The following GALK2 variants were observed in gnomAD, a reference collection of about 807,000 sequenced individuals.
GALK2 encodes the protein galactokinase 2, also known as N-acetylgalactosamine kinase.
In GALK2, 36 loss-of-function variants were observed where a neutral mutation model predicts 52.4. The ratio of observed to expected loss-of-function variants is 0.69; its 90% CI spans 0.53 to 0.91. GALK2 has a LOEUF of 0.91. Ranked by LOEUF, GALK2 falls within the 40% of genes least tolerant of loss-of-function variation. The pLI, the probability that GALK2 is intolerant of heterozygous loss-of-function variation, is 0.00. For missense variants in GALK2, 579 were observed against 559.1 expected, an observed-to-expected ratio of 1.04 and a Z score of -0.36; for synonymous variants, 176 against 199.1, an observed-to-expected ratio of 0.88 and a Z score of 0.98.
intron 3 of GALK2, among the ~76,000 whole-genome samples, chr15:49,230,213 T>A (rs1343355636): frequency 6.6e-6 from 1 of 151,848 alleles, no homozygotes; most frequent in African/African-American, 2.4e-5. Flanking sequence ...GACTTGGGGG[T>A]GTGTGGAACC....
intron 3 of GALK2, chr15:49,366,461 A>G (rs1032636759): frequency 5.0e-6 from 5 of 996,958 alleles, no homozygotes; most frequent in African/African-American, 1.6e-5. Context: ...AACATCAGAA[A>G]GGTTGCATAG....
intron 3 of GALK2, among the ~76,000 whole-genome samples, chr15:49,362,659 CA>C (rs1298810193): frequency 2.0e-5 from 3 of 152,154 alleles, no homozygotes; most frequent in Admixed American, 1.3e-4. Context: ...GTTTTTCTTG[CA>C]ATTGCTTTTG....
chr15:49,341,112 CATCAGTCTATGTG>C (rs2040659692), intron 3 of GALK2, among the ~76,000 whole-genome samples: 1 of 152,132 alleles, frequency 6.6e-6, no homozygotes, highest in African/African-American at 2.4e-5. Context: ...TATTCTGTTT[CATCAGTCTATGTG>C]TCTGTTGTTG....
intron 5 of GALK2, among the ~76,000 whole-genome samples, chr15:49,266,277 C>T (rs1329197178): frequency 6.6e-6 from 1 of 151,944 alleles, no homozygotes; most frequent in Non-Finnish European, 1.5e-5. Context: ...ATGCCTCTAC[C>T]CAAATTGAGC....
chr15:49,296,219 C>T (rs1759849967), intron 8 of GALK2, among the ~76,000 whole-genome samples: 1 of 152,126 alleles, frequency 6.6e-6, no homozygotes, highest in African/African-American at 2.4e-5. Flanking sequence ...ATGATTTTAT[C>T]ACCCAGGTAG....
At chr15:49,176,401 A>G (rs370986413) in intron 1 of GALK2, among the ~76,000 whole-genome samples, 46 of 152,350 alleles carry the variant, frequency 3.0e-4, no homozygotes, top group African/African-American at 1.1e-3. Flanking sequence ...GTTAACTTGA[A>G]TCTATGTTCC....
intron 8 of GALK2, among the ~76,000 whole-genome samples, chr15:49,293,660 T>C (rs1343884471): frequency 6.6e-6 from 1 of 152,204 alleles, no homozygotes; most frequent in African/African-American, 2.4e-5. Context: ...AGTTTTGCCA[T>C]GAAAATAGGC....
At chr15:49,205,151 A>T (rs1468969725) in intron 2 of GALK2, among the ~76,000 whole-genome samples, 1 of 150,886 alleles carries the variant, frequency 6.6e-6, no homozygotes, top group Non-Finnish European at 1.5e-5. Flanking sequence ...AATACCAATG[A>T]CATATAGTGG....
Position 49,360,031 on chromosome 15 carries a change from T to C in GALK2, c.427-7460T>C, listed in dbSNP as rs1025586211. The stretch of plus-strand genomic sequence containing the variant: ...GCATATTCTCACTCATAGGTGGGAA[T>C]TCAACAATGAGATCACATGGACACA... On this transcript the variant is annotated intron_variant, in intron 3 of 3. Coordinates refer to the GALK2 transcript ENST00000558399. Among the ~76,000 whole-genome samples the C allele has an allele frequency of 9.7e-4, 133 of 137,306 alleles. 1 individual carries two copies. Among genetic ancestry groups the C allele is most frequent in the Non-Finnish European group, 2.4e-4 (16 of 65,828 alleles). The allele number at this position is 137,306 out of a possible 152,430, so 90.1% of individuals were successfully genotyped here. A position where few individuals can be genotyped will look rare whatever the true frequency, so the allele number is the denominator to read the frequency against.
At chr15:49,163,941 T>TA (rs1410263935) in intron 1 of GALK2, among the ~76,000 whole-genome samples, 1 of 152,196 alleles carries the variant, frequency 6.6e-6, no homozygotes, top group Non-Finnish European at 1.5e-5. Context: ...AATTTTTTTT[T>TA]ACTATATTAA....
At chr15:49,156,191 G>C (rs185397642) in intron 1 of GALK2, 5 of 645,122 alleles carry the variant, frequency 7.8e-6, no homozygotes, top group East Asian at 5.7e-5. Context: ...TATCAGTTGA[G>C]TTGCCTTAAA....
intron 1 of GALK2, among the ~76,000 whole-genome samples, chr15:49,196,669 C>T (rs2087262294): frequency 6.6e-6 from 1 of 152,114 alleles, no homozygotes; most frequent in Non-Finnish European, 1.5e-5. Flanking sequence ...TGTTTTTGGA[C>T]TCATTGATCT....
At chr15:49,265,020 A>C (rs1319615769) in intron 5 of GALK2, among the ~76,000 whole-genome samples, 1 of 152,192 alleles carries the variant, frequency 6.6e-6, no homozygotes, top group East Asian at 1.9e-4. Context: ...CTTGGGGGTC[A>C]GGGGTCAGGG....
At chr15:49,211,211 G>C (rs992285789) in intron 2 of GALK2, among the ~76,000 whole-genome samples, 5 of 152,148 alleles carry the variant, frequency 3.3e-5, no homozygotes, top group African/African-American at 1.2e-4. Context: ...CAAGTTCAAA[G>C]TTCCACAGGT....
intron 1 of GALK2, among the ~76,000 whole-genome samples, chr15:49,175,201 G>C (rs1173454789): frequency 1.3e-5 from 2 of 152,128 alleles, no homozygotes; most frequent in Non-Finnish European, 2.9e-5. Context: ...TGAGCTATAG[G>C]ACACAAAGAC....
intron 9 of GALK2, 80 bp from the exon 10 acceptor site, chr15:49,327,872 G>T: frequency 7.4e-7 from 1 of 1,348,564 alleles, no homozygotes; most frequent in Non-Finnish European, 1.0e-6. Context: ...ACTTAGATAG[G>T]CTATGTGTTC....
intron 3 of GALK2, among the ~76,000 whole-genome samples, chr15:49,341,025 T>C (rs996340333): frequency 5.9e-5 from 9 of 152,236 alleles, no homozygotes; most frequent in African/African-American, 9.6e-5. Context: ...TAGGAAGTCC[T>C]TTCCCCATTG....
chr15:49,341,227 G>C (rs979240858), intron 3 of GALK2, among the ~76,000 whole-genome samples: 11 of 152,034 alleles, frequency 7.2e-5, no homozygotes, highest in African/African-American at 2.4e-4. Context: ...TTTTTGCTTA[G>C]GATTTTTTTT....
intron 5 of GALK2, among the ~76,000 whole-genome samples, chr15:49,260,110 T>C (rs897956548): frequency 2.2e-4 from 33 of 152,248 alleles, no homozygotes; most frequent in African/African-American, 7.7e-4. Flanking sequence ...ATGGGATGGC[T>C]GGGTGAAATG....
Sources: allele counts gnomAD v4.1 joint callset (sites outside exome capture counted in the v4.1 genomes callset), GRCh38; gene constraint gnomAD v4.1.1; transcripts MANE v1.5; gene names NCBI Gene and HGNC (gene_info 2026-07-23, HGNC 2026-07-21).